The following ATL1 variants were observed in gnomAD, a reference collection of about 807,000 sequenced individuals.
The protein encoded by ATL1 is atlastin-1.
A neutral mutation model predicts 75.5 loss-of-function variants in ATL1; 31 were observed. The observed-to-expected ratio is 0.41, with a 90% CI of 0.31 to 0.55. ATL1 has a LOEUF of 0.55. Among genes scored for constraint, ATL1 ranks in the 20% least tolerant of loss-of-function variants. The pLI is 0.27. For missense variants in ATL1, 405 were observed against 662.6 expected, an observed-to-expected ratio of 0.61 and a Z score of 4.27; for synonymous variants, 226 against 233.3, an observed-to-expected ratio of 0.97 and a Z score of 0.28.
At chr14:50,627,318 C>T (rs1366096755) in intron 11 of ATL1, among the ~76,000 whole-genome samples, 1 of 152,146 alleles carries the variant, frequency 6.6e-6, no homozygotes, top group Non-Finnish European at 1.5e-5. Flanking sequence ...ATAATGTAAA[C>T]ATAACTTTTA....
chr14:50,589,621 T>C (rs964619697), intron 2 of ATL1, among the ~76,000 whole-genome samples: 8 of 152,196 alleles, frequency 5.3e-5, no homozygotes, highest in Non-Finnish European at 1.0e-4. Context: ...GGAATAAGTA[T>C]AATATATGTA....
chr14:50,575,923 G>T (rs2039001981), intron 1 of ATL1, among the ~76,000 whole-genome samples: 1 of 152,036 alleles, frequency 6.6e-6, no homozygotes, highest in Non-Finnish European at 1.5e-5. Flanking sequence ...ACACCACATA[G>T]AATGAAAAAG....
At chr14:50,545,548 T>G (rs996117229) in intron 1 of ATL1, among the ~76,000 whole-genome samples, 4 of 152,284 alleles carry the variant, frequency 2.6e-5, no homozygotes, top group Admixed American at 2.6e-4. Flanking sequence ...GGAGTAAGCA[T>G]GTAGTGCAAG....
At chr14:50,573,111 G>T (rs994826034) in intron 1 of ATL1, among the ~76,000 whole-genome samples, 5 of 152,078 alleles carry the variant, frequency 3.3e-5, no homozygotes, top group Admixed American at 3.3e-4. Context: ...CCTCCCACGA[G>T]GTCCTTCCCC....
intron 8 of ATL1, among the ~76,000 whole-genome samples, chr14:50,615,888 G>A (rs1255717230): frequency 6.6e-6 from 1 of 152,186 alleles, no homozygotes; most frequent in Non-Finnish European, 1.5e-5. Flanking sequence ...TTCCATTACT[G>A]CAGTATACAG....
intron 1 of ATL1, among the ~76,000 whole-genome samples, chr14:50,565,007 C>G (rs1256882681): frequency 2.0e-5 from 3 of 152,084 alleles, no homozygotes; most frequent in African/African-American, 7.2e-5. Flanking sequence ...TTGGTCTTGG[C>G]TGGACACGGT....
intron 6 of ATL1, among the ~76,000 whole-genome samples, chr14:50,600,138 T>C (rs1036476236): frequency 2.0e-5 from 3 of 152,036 alleles, no homozygotes; most frequent in African/African-American, 7.2e-5. Context: ...ACTTTAGGTC[T>C]TACCAGCAGA....
intron 1 of ATL1, among the ~76,000 whole-genome samples, chr14:50,586,795 G>T (rs2039106205): frequency 6.6e-6 from 1 of 152,072 alleles, no homozygotes; most frequent in South Asian, 2.1e-4. Context: ...CCGTCCATGT[G>T]AACTTGGACC....
chr14:50,607,440 A>G (rs2039325936), intron 6 of ATL1, among the ~76,000 whole-genome samples: 1 of 152,014 alleles, frequency 6.6e-6, no homozygotes, highest in South Asian at 2.1e-4. Context: ...CAGTCTGAGA[A>G]TATGTCTTTT....
chr14:50,560,032 GTGTGACGCTGGTATC>G, upstream of ATL1: 1 of 588,802 alleles, frequency 1.7e-6, no homozygotes, highest in Non-Finnish European at 3.1e-6. Flanking sequence ...GGTAGGGAGG[GTGTGACGCTGGTATC>G]TGTGTGAACT....
At chr14:50,625,250 G>A (rs976410843) in intron 11 of ATL1, among the ~76,000 whole-genome samples, 1 of 152,136 alleles carries the variant, frequency 6.6e-6, no homozygotes, top group African/African-American at 2.4e-5. Context: ...TCAATTCTAT[G>A]AATGCTGAAA....
intron 1 of ATL1, among the ~76,000 whole-genome samples, chr14:50,580,103 C>T: frequency 6.6e-6 from 1 of 152,064 alleles, no homozygotes; most frequent in East Asian, 1.9e-4. Flanking sequence ...AGAACTGTTC[C>T]ATTACCCCAG....
In ATL1 at chr14:50,591,616, A is replaced by G. The variant is rs908053602; in HGVS notation, c.499A>G (p.Ser167Gly). Residue 167 changes from serine (S) to glycine (G), a missense_variant, in exon 4 of 14, where the codon AGC becomes GGC. This residue lies in a region of ATL1 where 59 missense variants were observed against 161.4 expected (regional missense o/e 0.37). Coordinates refer to ENST00000358385, the MANE Select transcript of ATL1 (RefSeq NM_015915.5). The stretch of plus-strand genomic sequence containing the variant: ...AGATTCAGCCACAGTATTTGCCCTT[A>G]GCACAATGATCAGCTCAATACAGGT... Reference protein sequence around the residue: ...LRDSATVFALSTMISSIQVYN... With the variant: ...LRDSATVFALGTMISSIQVYN... 1.2e-6 allele frequency: 2 copies of G among 1,613,576 alleles called. No homozygotes were observed. Among genetic ancestry groups the G allele is most frequent in the Non-Finnish European group, 1.7e-6 (2 of 1,179,648 alleles).
chr14:50,574,016 G>A (rs182543660), intron 1 of ATL1, among the ~76,000 whole-genome samples: 1 of 152,258 alleles, frequency 6.6e-6, no homozygotes. Context: ...AGCTGGGGAA[G>A]GAGACTGACT....
At chr14:50,554,849 C>A (rs1379412530) in intron 1 of ATL1, among the ~76,000 whole-genome samples, 2 of 152,160 alleles carry the variant, frequency 1.3e-5, no homozygotes, top group African/African-American at 4.8e-5. Context: ...TCTCTTGGTT[C>A]CCTCCCAGCT....
chr14:50,590,957 T>A lies in ATL1; in HGVS notation c.299T>A (p.Val100Asp), dbSNP rs2039150327. ...YMYNQESVDW[V>D]GDYNEPLTGF... ...ATTTTATAGGAATCAGTTGATTGGGTTGGAGACTACAATGAACCATTGACT... is the reference window on the plus strand; with the variant it reads ...ATTTTATAGGAATCAGTTGATTGGGATGGAGACTACAATGAACCATTGACT... The change falls in exon 3 of 14, where the codon GTT becomes GAT. Residue 100 changes from valine to aspartate, a missense_variant. Coordinates refer to ENST00000358385, the MANE Select transcript of ATL1 (RefSeq NM_015915.5). 4 of 1,613,866 alleles carry A rather than the reference T, an allele frequency of 2.5e-6. No homozygotes were observed. In the East Asian group the frequency reaches 8.9e-5, roughly 36 times the overall value.
At chr14:50,601,902 C>A (rs751434094) in intron 6 of ATL1, among the ~76,000 whole-genome samples, 2 of 152,076 alleles carry the variant, frequency 1.3e-5, no homozygotes, top group Non-Finnish European at 2.9e-5. Context: ...TGAGTAATAA[C>A]ACCCAGTTTG....
At chr14:50,560,627 G>C (rs533857716) in intron 1 of ATL1, 1 of 387,916 alleles carries the variant, frequency 2.6e-6, no homozygotes, top group African/African-American at 2.1e-5. Flanking sequence ...CCGCCTTAGC[G>C]ATCGGTTGGG....
chr14:50,622,665 CA>C (rs1159660220), intron 10 of ATL1, among the ~76,000 whole-genome samples: 2 of 146,316 alleles, frequency 1.4e-5, no homozygotes, highest in Admixed American at 6.8e-5. Flanking sequence ...GACTCAGTCT[CA>C]AAAAAAAATA....
Sources: allele counts gnomAD v4.1 joint callset (sites outside exome capture counted in the v4.1 genomes callset), GRCh38; gene constraint gnomAD v4.1.1; regional missense constraint gnomAD v4.1.1; transcripts MANE v1.5; gene names NCBI Gene and HGNC (gene_info 2026-07-23, HGNC 2026-07-21).